CYB5A: variants seen among roughly 807,000 people sequenced by gnomAD.
The protein encoded by CYB5A is cytochrome b5 type A, also known as cytochrome b5.
CYB5A carries 10 observed loss-of-function variants against 16.2 expected under a neutral mutation model. The ratio of observed to expected loss-of-function variants is 0.62; its 90% confidence interval spans 0.38 to 1.04. The LOEUF (loss-of-function observed/expected upper bound fraction) is 1.04, where lower values mean the gene tolerates loss of function less well. Ranked by LOEUF, CYB5A falls within the 50% of genes least tolerant of loss-of-function variation. The pLI is 0.01. For missense variants in CYB5A, 161 were observed against 165.9 expected, an observed-to-expected ratio of 0.97 and a Z score of 0.16; for synonymous variants, 62 against 57.0, an observed-to-expected ratio of 1.09 and a Z score of -0.40.
chr18:74,255,785 G>A lies in CYB5A; in HGVS notation c.289-10C>T, dbSNP rs765391610. ...TAGTGATAAGAGTTTCCTGAAACAC[G>A]AGAGGAAAAAGTAAAGTAAGTTCAA... is the stretch of plus-strand genomic sequence containing the variant. On this transcript the variant is annotated splice_polypyrimidine_tract_variant and intron_variant, in intron 3 of 4. Coordinates refer to ENST00000340533, the MANE Select transcript of CYB5A (RefSeq NM_148923.4). The A allele has an allele frequency of 1.7e-5, 27 of 1,606,182 alleles. No homozygotes were observed. Among genetic ancestry groups the A allele is most frequent in the African/African-American group, 2.7e-5 (2 of 74,784 alleles).
chr18:74,261,639 T>C (rs1982203670), intron 2 of CYB5A: 1 of 152,598 alleles, frequency 6.6e-6, no homozygotes, highest in Non-Finnish European at 1.5e-5. Flanking sequence ...AAAGTACATA[T>C]CTCCTACCAC....
chr18:74,253,704 G>C, intron 4 of CYB5A, 39 bp from the exon 5 acceptor site: 1 of 1,368,234 alleles, frequency 7.3e-7, no homozygotes, highest in Non-Finnish European at 1.0e-6. Flanking sequence ...GACATGATGT[G>C]CACTGTGGTG....
rs1044556670 is a variant in CYB5A at position 74,264,538 on chromosome 18, C to T, written c.130-1061G>A. On this transcript the variant is annotated intron_variant, in intron 1 of 4. Transcript: ENST00000340533. Reference sequence around the variant, plus strand: ...AAGCACCCTGCGTGCCGGCAATGCACGGGCAGCACAGACTGTCAGATAGAT... The same window carrying T: ...AAGCACCCTGCGTGCCGGCAATGCATGGGCAGCACAGACTGTCAGATAGAT... Among the ~76,000 whole-genome samples the T allele has an allele frequency of 6.6e-5, 10 of 152,316 alleles. No homozygotes were observed. In the South Asian group the frequency reaches 1.2e-3, roughly 19 times the overall value.
At chr18:74,282,247 G>T (rs140454989) in intron 1 of CYB5A, among the ~76,000 whole-genome samples, 1 of 152,200 alleles carries the variant, frequency 6.6e-6, no homozygotes, top group Admixed American at 6.5e-5. Context: ...AGCATGTGCC[G>T]TGTGTGGAAA....
rs1181084738 is a variant in CYB5A at position 74,274,097 on chromosome 18, C to T, written c.130-10620G>A. 2.6e-5 allele frequency among the ~76,000 whole-genome samples: 4 copies of T among 152,158 alleles called. No individual in the cohort carries two copies. The East Asian group carries it at 7.7e-4, about 29-fold the overall frequency. ...GAAATGAAAATAAGGAGTCCACTTT[C>T]CCATACAAGAAAAAATGAATAGCAG... is the stretch of plus-strand genomic sequence containing the variant. On this transcript the variant is annotated intron_variant, in intron 1 of 4. Transcript: ENST00000340533.
intron 1 of CYB5A, among the ~76,000 whole-genome samples, chr18:74,277,022 A>T (rs2145070033): frequency 6.6e-6 from 1 of 152,368 alleles, no homozygotes; most frequent in East Asian, 1.9e-4. Flanking sequence ...AATGCTTAAC[A>T]TACCAAAAAA....
intron 3 of CYB5A, chr18:74,256,844 T>A (rs1423324008): frequency 9.9e-6 from 16 of 1,613,852 alleles, no homozygotes; most frequent in African/African-American, 2.7e-5. Flanking sequence ...AAACACCGCC[T>A]TTAAGGTTCC....
intron 1 of CYB5A, among the ~76,000 whole-genome samples, chr18:74,272,542 G>A (rs762766571): frequency 9.2e-5 from 14 of 152,186 alleles, no homozygotes; most frequent in Non-Finnish European, 1.9e-4. Context: ...GTAAAGTGAA[G>A]AAGTTCCTGT....
intron 3 of CYB5A, chr18:74,257,071 G>C (rs181246796): frequency 3.8e-6 from 2 of 521,744 alleles, no homozygotes; most frequent in East Asian, 6.0e-5. Flanking sequence ...GACACAATCA[G>C]TTCTGAAACA....
intron 1 of CYB5A, among the ~76,000 whole-genome samples, chr18:74,268,989 C>T (rs1982560097): frequency 6.6e-6 from 1 of 152,170 alleles, no homozygotes; most frequent in African/African-American, 2.4e-5. Context: ...AATACAATAA[C>T]TGGAAATGGC....
intron 3 of CYB5A, chr18:74,256,804 G>C (rs766644443): frequency 2.2e-4 from 361 of 1,611,230 alleles, no homozygotes; most frequent in Non-Finnish European, 2.7e-4. Flanking sequence ...GGAAAAGCAA[G>C]CAAAGCAGTT....
intron 1 of CYB5A, among the ~76,000 whole-genome samples, chr18:74,267,482 G>A (rs760891329): frequency 2.0e-5 from 3 of 152,152 alleles, no homozygotes; most frequent in Non-Finnish European, 4.4e-5. Context: ...TTCTTTGCCT[G>A]TCAGCATTCC....
chr18:74,282,953 C>A (rs1983176447), intron 1 of CYB5A, among the ~76,000 whole-genome samples: 1 of 152,170 alleles, frequency 6.6e-6, no homozygotes, highest in Non-Finnish European at 1.5e-5. Flanking sequence ...AGAAATCACA[C>A]TTTTCAATGC....
At chr18:74,264,196 G>GTT (rs1485058725) in intron 1 of CYB5A, among the ~76,000 whole-genome samples, 65 of 123,076 alleles carry the variant, frequency 5.3e-4, no homozygotes, top group African/African-American at 1.8e-3. Flanking sequence ...AGGCAACAAA[G>GTT]TGAGACTCTG....
chr18:74,269,151 C>A (rs1048742076), intron 1 of CYB5A, among the ~76,000 whole-genome samples: 1 of 152,188 alleles, frequency 6.6e-6, no homozygotes, highest in Non-Finnish European at 1.5e-5. Context: ...ACACAGTACA[C>A]CCCTGCATTG....
At chr18:74,289,110 T>A (rs1473900328) in intron 1 of CYB5A, among the ~76,000 whole-genome samples, 1 of 152,184 alleles carries the variant, frequency 6.6e-6, no homozygotes, top group African/African-American at 2.4e-5. Flanking sequence ...CACGCCATCC[T>A]CCTAGCCGTT....
At chr18:74,263,783 G>A (rs573555373) in intron 1 of CYB5A, among the ~76,000 whole-genome samples, 2 of 152,204 alleles carry the variant, frequency 1.3e-5, no homozygotes, top group East Asian at 3.9e-4. Context: ...ACGGTGGCAT[G>A]CCCCTGCAGT....
At chr18:74,266,509 T>C (rs568062703) in intron 1 of CYB5A, among the ~76,000 whole-genome samples, 2 of 152,304 alleles carry the variant, frequency 1.3e-5, no homozygotes, top group African/African-American at 2.4e-5. Flanking sequence ...TTATAAAGAA[T>C]TGCAGACTTA....
At chr18:74,284,185 T>C (rs1022393698) in intron 1 of CYB5A, among the ~76,000 whole-genome samples, 1 of 146,200 alleles carries the variant, frequency 6.8e-6, no homozygotes, top group East Asian at 2.0e-4. Context: ...TGAGCCGAGA[T>C]TGCACCATTG....
Sources: gnomAD v4.1 joint callset for allele counts (sites outside exome capture counted in the v4.1 genomes callset) on GRCh38, gnomAD v4.1.1 for gene constraint, MANE v1.5 for transcripts, NCBI Gene and HGNC (gene_info 2026-07-23, HGNC 2026-07-21) for gene names.